Variants in RASA1 observed in about 807,000 individuals in gnomAD.
The protein encoded by RASA1 is ras GTPase-activating protein 1.
RASA1 carries 25 observed loss-of-function variants against 132.2 expected under a neutral mutation model. That is an observed-to-expected ratio of 0.19 (90% CI 0.14 to 0.26). The LOEUF (loss-of-function observed/expected upper bound fraction) is 0.26, where lower values mean the gene tolerates loss of function less well. Among genes scored for constraint, RASA1 ranks in the 10% least tolerant of loss-of-function variants. The pLI, the probability that RASA1 is intolerant of heterozygous loss-of-function variation, is 1.00. For missense variants in RASA1, 964 were observed against 1,299.2 expected (o/e 0.74, Z 3.97); for synonymous variants, 477 against 449.9 (o/e 1.06, Z -0.76).
At chr5:87,332,422 T>C (rs1255940754) in intron 2 of RASA1, 85 bp from the exon 3 acceptor site, 4 of 1,343,568 alleles carry the variant, frequency 3.0e-6, no homozygotes, top group African/African-American at 2.9e-5. Context: ...ATGGAAATTA[T>C]GGATTTATAA....
At chr5:87,374,692 A>C in intron 14 of RASA1, 148 bp from the exon 15 acceptor site, 1 of 1,172,316 alleles carries the variant, frequency 8.5e-7, no homozygotes, top group Non-Finnish European at 1.2e-6. Context: ...CCAAATAATA[A>C]AATATGTTGT....
At chr5:87,318,793 A>C (rs1027494846) in intron 1 of RASA1, 4 of 152,244 alleles carry the variant, frequency 2.6e-5, no homozygotes, top group African/African-American at 9.6e-5. Context: ...GTCAAGACAC[A>C]ATCATGCCTT....
intron 24 of RASA1, among the ~76,000 whole-genome samples, chr5:87,389,906 C>CA (rs765711490): frequency 6.6e-6 from 1 of 152,068 alleles, no homozygotes; most frequent in African/African-American, 2.4e-5. Flanking sequence ...AAGTGATTCT[C>CA]AAACTGTGAA....
intron 23 of RASA1, among the ~76,000 whole-genome samples, chr5:87,389,130 A>T (rs563153093): frequency 6.6e-6 from 1 of 152,316 alleles, no homozygotes; most frequent in Non-Finnish European, 1.5e-5. Context: ...ATACCCAATT[A>T]GAATCTTTTC....
chr5:87,366,738 TTTTTC>T (rs1468145484), intron 11 of RASA1, among the ~76,000 whole-genome samples: 1 of 152,190 alleles, frequency 6.6e-6, no homozygotes, highest in Non-Finnish European at 1.5e-5. Flanking sequence ...AGAAAACAGA[TTTTTC>T]TTTTAAGACT....
At chr5:87,305,127 A>G (rs781272806) in intron 1 of RASA1, among the ~76,000 whole-genome samples, 2 of 151,308 alleles carry the variant, frequency 1.3e-5, no homozygotes, top group African/African-American at 4.9e-5. Context: ...TTTTGTTGCA[A>G]AGTTAGCAAA....
rs75949864 is a variant in RASA1 at position 87,361,271 on chromosome 5, A to G, written c.1333-1280A>G. On this transcript the variant is annotated intron_variant, in intron 9 of 24. Coordinates refer to ENST00000274376, the MANE Select transcript of RASA1 (RefSeq NM_002890.3). The stretch of plus-strand genomic sequence containing the variant: ...GGACTGGATTTAGCATGCGTGCCAC[A>G]GTTTGTCAGCCCTGCTGTAAGCAAT... Among the ~76,000 whole-genome samples, 1,338 of 152,292 alleles carry G rather than the reference A, an allele frequency of 8.8e-3. 11 individuals carry two copies. The highest frequency in any genetic ancestry group is 0.012 in the Non-Finnish European group (849 of 68,024).
At chr5:87,317,269 T>C (rs1388398424) in intron 1 of RASA1, among the ~76,000 whole-genome samples, 1 of 152,158 alleles carries the variant, frequency 6.6e-6, no homozygotes, top group East Asian at 1.9e-4. Context: ...TTCCAGACTT[T>C]TAATAAATTC....
intron 2 of RASA1, among the ~76,000 whole-genome samples, chr5:87,331,804 T>C (rs1202654636): frequency 6.6e-6 from 1 of 152,148 alleles, no homozygotes; most frequent in Non-Finnish European, 1.5e-5. Context: ...TTGTATACTT[T>C]TAGACTGCAG....
At chr5:87,288,367 G>A (rs965490806) in intron 1 of RASA1, among the ~76,000 whole-genome samples, 2 of 151,922 alleles carry the variant, frequency 1.3e-5, no homozygotes, top group Non-Finnish European at 2.9e-5. Context: ...TCAAACAGTG[G>A]CAGCAACGAT....
intron 1 of RASA1, among the ~76,000 whole-genome samples, chr5:87,330,395 A>G (rs1347452982): frequency 6.6e-6 from 1 of 152,186 alleles, no homozygotes; most frequent in Non-Finnish European, 1.5e-5. Context: ...ATATTATGTT[A>G]CATAATTGAA....
At chr5:87,380,425 T>G in intron 19 of RASA1, 84 bp from the exon 20 acceptor site, 1 of 1,210,908 alleles carries the variant, frequency 8.3e-7, no homozygotes, top group Non-Finnish European at 1.2e-6. Context: ...CTGTGGTATA[T>G]TTGGGTAAAT....
intron 1 of RASA1, among the ~76,000 whole-genome samples, chr5:87,271,111 G>T (rs1308345696): frequency 6.6e-6 from 1 of 152,004 alleles, no homozygotes; most frequent in South Asian, 2.1e-4. Context: ...GGTGGCGGGT[G>T]CCTGTAATCC....
intron 1 of RASA1, among the ~76,000 whole-genome samples, chr5:87,271,510 C>T (rs1176121174): frequency 4.5e-5 from 6 of 131,950 alleles, no homozygotes; most frequent in Admixed American, 4.1e-4. Context: ...GCTGTTTCGC[C>T]CAGGCTGGAG....
intron 1 of RASA1, among the ~76,000 whole-genome samples, chr5:87,297,084 T>C (rs1347186829): frequency 6.6e-6 from 1 of 152,226 alleles, no homozygotes; most frequent in Non-Finnish European, 1.5e-5. Flanking sequence ...TCTTCATTTC[T>C]GTTATGTTGC....
At position 87,268,733 on chromosome 5, in the gene RASA1, C is replaced by T; in HGVS notation, c.282C>T (p.Gly94=). ...TGACAGGGGGAGGTACTGCTGCTGGCGTAGCTGGTGCTGCTGCTGGCGTGG... is the reference window on the plus strand; with the variant it reads ...TGACAGGGGGAGGTACTGCTGCTGGTGTAGCTGGTGCTGCTGCTGGCGTGG... The part of the protein sequence containing the change: ...AGLTGGGTAA[G]VAGAAAGVAG... Residue 94 remains glycine, a synonymous_variant, in exon 1 of 25, where the codon GGC becomes GGT. Coordinates refer to ENST00000274376, the MANE Select transcript of RASA1 (RefSeq NM_002890.3). 6.2e-7 allele frequency: 1 copy of T among 1,612,890 alleles called. No individual in the cohort carries two copies. Among genetic ancestry groups the T allele is most frequent in the Non-Finnish European group, 8.5e-7 (1 of 1,179,482 alleles).
intron 21 of RASA1, among the ~76,000 whole-genome samples, chr5:87,384,175 T>G (rs1761916259): frequency 6.6e-6 from 1 of 152,170 alleles, no homozygotes; most frequent in Non-Finnish European, 1.5e-5. Flanking sequence ...ATATGTACAG[T>G]TGGAATAGTA....
At chr5:87,353,034 GTGT>G (rs1413671665) in intron 8 of RASA1, 120 bp from the exon 9 acceptor site, 2 of 684,594 alleles carry the variant, frequency 2.9e-6, no homozygotes, top group Non-Finnish European at 5.3e-6. Context: ...TAATGTATTT[GTGT>G]TATGTGCTTT....
At chr5:87,351,147 G>T (rs1283912794) in intron 8 of RASA1, among the ~76,000 whole-genome samples, 2 of 150,634 alleles carry the variant, frequency 1.3e-5, no homozygotes, top group African/African-American at 4.9e-5. Flanking sequence ...AAACTGTTAA[G>T]ACATAACTTT....
Sources: gnomAD v4.1 joint callset for allele counts (sites outside exome capture counted in the v4.1 genomes callset) on GRCh38, gnomAD v4.1.1 for gene constraint, MANE v1.5 for transcripts, NCBI Gene and HGNC (gene_info 2026-07-23, HGNC 2026-07-21) for gene names.